Variants in GNA14 observed in about 807,000 individuals in gnomAD.
GNA14 encodes guanine nucleotide-binding protein subunit alpha-14.
Under a neutral mutation model 42.0 loss-of-function variants are expected in GNA14, and 50 were observed. The ratio of observed to expected loss-of-function variants is 1.19; its 90% CI spans 0.95 to 1.51. The LOEUF is 1.51. Among genes scored for constraint, GNA14 ranks in the 40% most tolerant of loss-of-function variants. GNA14 has a pLI of 0.00. For missense variants in GNA14, 473 were observed against 446.2 expected, an observed-to-expected ratio of 1.06 and a Z score of -0.54; for synonymous variants, 173 against 163.1, an observed-to-expected ratio of 1.06 and a Z score of -0.46.
At chr9:77,546,166 G>A (rs1489277158) in intron 1 of GNA14, among the ~76,000 whole-genome samples, 2 of 135,352 alleles carry the variant, frequency 1.5e-5, no homozygotes, top group African/African-American at 2.9e-5. Context: ...GCAGTGAGCC[G>A]AGATCATGCC....
chr9:77,530,020 T>C (rs1159823556), intron 1 of GNA14, among the ~76,000 whole-genome samples: 1 of 152,240 alleles, frequency 6.6e-6, no homozygotes, highest in Non-Finnish European at 1.5e-5. Flanking sequence ...ATTTATCATA[T>C]GGCACCCCTT....
intron 1 of GNA14, among the ~76,000 whole-genome samples, chr9:77,606,000 C>T (rs190995739): frequency 1.3e-5 from 2 of 152,242 alleles, no homozygotes; most frequent in East Asian, 3.9e-4. Context: ...ATCTCCCTTT[C>T]CTGTTAATGG....
chr9:77,619,704 C>T (rs530512488), intron 1 of GNA14, among the ~76,000 whole-genome samples: 27 of 152,222 alleles, frequency 1.8e-4, no homozygotes, highest in Non-Finnish European at 3.1e-4. Context: ...ATATAAAACC[C>T]TCAGAATGGT....
At chr9:77,600,119 A>G (rs1310138441) in intron 1 of GNA14, among the ~76,000 whole-genome samples, 1 of 152,228 alleles carries the variant, frequency 6.6e-6, no homozygotes, top group Non-Finnish European at 1.5e-5. Flanking sequence ...AGCCAGCTAT[A>G]AACAGCATGA....
chr9:77,530,840 A>C (rs1405663417), intron 1 of GNA14, among the ~76,000 whole-genome samples: 2 of 152,208 alleles, frequency 1.3e-5, no homozygotes, highest in Non-Finnish European at 2.9e-5. Context: ...TTCAGCCTCC[A>C]GAGACAGGAT....
chr9:77,490,904 C>G (rs558085097), intron 2 of GNA14, among the ~76,000 whole-genome samples: 4 of 152,184 alleles, frequency 2.6e-5, no homozygotes, highest in African/African-American at 7.2e-5. Flanking sequence ...GCGCCGAGAG[C>G]GAGCAAGGGC....
At chr9:77,599,710 G>A (rs1823523395) in intron 1 of GNA14, among the ~76,000 whole-genome samples, 1 of 152,158 alleles carries the variant, frequency 6.6e-6, no homozygotes, top group African/African-American at 2.4e-5. Flanking sequence ...GGTGTGCTGG[G>A]CAGCGCGCTG....
At chr9:77,436,702 CTG>C (rs761773454) in intron 2 of GNA14, among the ~76,000 whole-genome samples, 7 of 152,212 alleles carry the variant, frequency 4.6e-5, no homozygotes, top group Non-Finnish European at 8.8e-5. Flanking sequence ...GTTTTCCTCT[CTG>C]TCTTCATGGC....
At chr9:77,491,186 C>T (rs1419381945) in intron 2 of GNA14, among the ~76,000 whole-genome samples, 2 of 152,130 alleles carry the variant, frequency 1.3e-5, no homozygotes, top group African/African-American at 2.4e-5. Context: ...GAGAATTCAC[C>T]AGACTCATAA....
chr9:77,533,516 A>T (rs1837557438), intron 1 of GNA14, among the ~76,000 whole-genome samples: 1 of 152,192 alleles, frequency 6.6e-6, no homozygotes, highest in South Asian at 2.1e-4. Flanking sequence ...GCTCACCATC[A>T]TCCAACTGCA....
At chr9:77,460,995 C>T (rs1836094982) in intron 2 of GNA14, among the ~76,000 whole-genome samples, 1 of 152,150 alleles carries the variant, frequency 6.6e-6, no homozygotes, top group African/African-American at 2.4e-5. Context: ...GTTTGTTAAC[C>T]CTAAAGCTGT....
intron 1 of GNA14, among the ~76,000 whole-genome samples, chr9:77,618,633 T>TTA (rs1823871892): frequency 6.4e-5 from 3 of 47,006 alleles, no homozygotes; most frequent in South Asian, 1.1e-3. Context: ...TTTTTTTTTT[T>TTA]TTTTTTTTTT....
rs963828514 is a variant in GNA14 at position 77,617,564 on chromosome 9, C to A, written c.124+30106G>T. Among the ~76,000 whole-genome samples the A allele has an allele frequency of 1.8e-4, 27 of 152,256 alleles. 2 individuals carry two copies. The highest frequency in any genetic ancestry group is 6.5e-4 in the African/African-American group (27 of 41,570). On this transcript the variant is annotated intron_variant, in intron 1 of 6. Transcript: ENST00000341700. ...ACTGGTCTTCCTGCCTCCACCATTACCACATGTTATCTGTCCAGCAATCAG... is the reference window on the plus strand; with the variant it reads ...ACTGGTCTTCCTGCCTCCACCATTAACACATGTTATCTGTCCAGCAATCAG...
chr9:77,592,197 T>C (rs1007360832), intron 1 of GNA14, among the ~76,000 whole-genome samples: 34 of 152,200 alleles, frequency 2.2e-4, no homozygotes, highest in Non-Finnish European at 5.9e-5. Flanking sequence ...CCACCGTGCC[T>C]GGCCATGTCC....
chr9:77,510,515 T>C (rs778103306), intron 2 of GNA14, among the ~76,000 whole-genome samples: 23 of 152,126 alleles, frequency 1.5e-4, no homozygotes, highest in Non-Finnish European at 3.2e-4. Context: ...TTGTATTTTT[T>C]AGTAGAGATG....
chr9:77,577,949 G>A (rs554996455), intron 1 of GNA14, among the ~76,000 whole-genome samples: 40 of 152,256 alleles, frequency 2.6e-4, no homozygotes, highest in African/African-American at 8.9e-4. Context: ...GTCGTGGAGT[G>A]AAACCATGAA....
chr9:77,546,639 T>C (rs772897559), intron 1 of GNA14, among the ~76,000 whole-genome samples: 1 of 152,014 alleles, frequency 6.6e-6, no homozygotes, highest in Non-Finnish European at 1.5e-5. Flanking sequence ...AGCCCCAAAC[T>C]CTCCATGACT....
At chr9:77,583,231 T>G (rs1250201920) in intron 1 of GNA14, among the ~76,000 whole-genome samples, 1 of 152,200 alleles carries the variant, frequency 6.6e-6, no homozygotes, top group South Asian at 2.1e-4. Flanking sequence ...CATTAAAGAC[T>G]GAGTTCGGAT....
intron 1 of GNA14, among the ~76,000 whole-genome samples, chr9:77,567,832 A>G (rs1209928508): frequency 7.4e-6 from 1 of 135,932 alleles, no homozygotes; most frequent in Non-Finnish European, 1.5e-5. Flanking sequence ...GCACCACTGT[A>G]CTCCAGCCTG....
Sources: gnomAD v4.1 joint callset for allele counts (sites outside exome capture counted in the v4.1 genomes callset) on GRCh38, gnomAD v4.1.1 for gene constraint, MANE v1.5 for transcripts, NCBI Gene and HGNC (gene_info 2026-07-23, HGNC 2026-07-21) for gene names.